MAGI3: variants seen among roughly 807,000 people sequenced by gnomAD.
MAGI3 encodes membrane associated guanylate kinase, WW and PDZ domain containing 3, also known as membrane-associated guanylate kinase, WW and PDZ domain-containing protein 3.
MAGI3 carries 43 observed loss-of-function variants against 121.8 expected under a neutral mutation model. That is an observed-to-expected ratio of 0.35 (90% CI 0.28 to 0.46). The LOEUF is 0.46. Among genes scored for constraint, MAGI3 ranks in the 20% least tolerant of loss-of-function variants. The pLI, the probability that MAGI3 is intolerant of heterozygous loss-of-function variation, is 1.00. For synonymous variants in MAGI3, 553 were observed against 639.3 expected (o/e 0.86, Z 2.04); for missense variants, 1,547 against 1,797.3 (o/e 0.86, Z 2.52).
intron 2 of MAGI3, among the ~76,000 whole-genome samples, chr1:113,577,910 TA>T (rs1557833003): frequency 6.6e-6 from 1 of 152,266 alleles, no homozygotes; most frequent in East Asian, 1.9e-4. Context: ...AATTGTTTTT[TA>T]GTCATTATGT....
chr1:113,636,365 C>A (rs1394412472), intron 9 of MAGI3, among the ~76,000 whole-genome samples: 3 of 152,104 alleles, frequency 2.0e-5, no homozygotes, highest in African/African-American at 4.8e-5. Flanking sequence ...GTGGGCATTT[C>A]ATGCTATAAA....
chr1:113,649,292 C>T lies in MAGI3; in HGVS notation c.2211C>T (p.Gly737=). The T allele has an allele frequency of 1.9e-6, 3 of 1,613,478 alleles. No homozygotes were observed. Among genetic ancestry groups the T allele is most frequent in the Middle Eastern group, 1.7e-4 (1 of 6,058 alleles). Residue 737 remains glycine (G), a synonymous_variant, in exon 13 of 21, where the codon GGC becomes GGT. Coordinates refer to ENST00000307546, the MANE Select transcript of MAGI3 (RefSeq NM_001142782.2). ...VFLRKQESGF[G]FRVLGGDGPD... ...TTCGAAAACAAGAGTCAGGGTTTGG[C>T]TTCAGGGTGCTAGGAGGAGATGGAC...
At chr1:113,488,782 C>T (rs1656528402) in intron 1 of MAGI3, among the ~76,000 whole-genome samples, 1 of 152,146 alleles carries the variant, frequency 6.6e-6, no homozygotes, top group African/African-American at 2.4e-5. Flanking sequence ...ACTAACACTG[C>T]TGTGGGAGTC....
intron 9 of MAGI3, among the ~76,000 whole-genome samples, chr1:113,634,185 C>T (rs373946594): frequency 5.3e-5 from 8 of 152,194 alleles, no homozygotes; most frequent in South Asian, 4.2e-4. Flanking sequence ...ATTTTGTAGG[C>T]TGCCTGTTCA....
At chr1:113,623,453 T>TACACAC (rs796174057) in intron 9 of MAGI3, among the ~76,000 whole-genome samples, 37,727 of 126,022 alleles carry the variant, frequency 0.3, 6,597 homozygotes, top group East Asian at 0.62. Context: ...TACACACACA[T>TACACAC]ACACACACAC....
intron 2 of MAGI3, among the ~76,000 whole-genome samples, chr1:113,577,549 T>A (rs1450762876): frequency 6.6e-6 from 1 of 151,288 alleles, no homozygotes; most frequent in Non-Finnish European, 1.5e-5. Flanking sequence ...TTTTATGGAA[T>A]GCGAAAAGTA....
intron 12 of MAGI3, among the ~76,000 whole-genome samples, chr1:113,648,631 G>T (rs1030082188): frequency 2.0e-5 from 3 of 152,040 alleles, no homozygotes; most frequent in African/African-American, 7.2e-5. Flanking sequence ...TTCACCACTT[G>T]CTATGTGACA....
At chr1:113,656,427 T>C (rs1200486903) in intron 15 of MAGI3, among the ~76,000 whole-genome samples, 1 of 151,868 alleles carries the variant, frequency 6.6e-6, no homozygotes, top group East Asian at 1.9e-4. Flanking sequence ...TTCTTTTTTT[T>C]TTTTTTGAGA....
At chr1:113,630,097 A>G (rs148260236) in intron 9 of MAGI3, among the ~76,000 whole-genome samples, 3 of 152,210 alleles carry the variant, frequency 2.0e-5, no homozygotes, top group African/African-American at 7.2e-5. Context: ...TAGGGATTGA[A>G]GTCAAAAACC....
intron 15 of MAGI3, 126 bp downstream of exon 15, chr1:113,654,144 T>G (rs1653341541): frequency 1.4e-6 from 1 of 721,454 alleles, no homozygotes; most frequent in African/African-American, 1.8e-5. Flanking sequence ...TTAAGAATGG[T>G]GAATACTTTC....
At chr1:113,623,752 G>C (rs1303652918) in intron 9 of MAGI3, among the ~76,000 whole-genome samples, 1 of 152,008 alleles carries the variant, frequency 6.6e-6, no homozygotes, top group Non-Finnish European at 1.5e-5. Context: ...CTCCCAAAGT[G>C]CTGAGATTAC....
At chr1:113,669,834 A>G (rs1208414744) in intron 16 of MAGI3, among the ~76,000 whole-genome samples, 3 of 152,022 alleles carry the variant, frequency 2.0e-5, no homozygotes, top group Non-Finnish European at 4.4e-5. Context: ...CCAGCCCACC[A>G]TAGGTTTTTT....
intron 2 of MAGI3, among the ~76,000 whole-genome samples, chr1:113,573,347 C>T (rs575149933): frequency 6.6e-6 from 1 of 152,322 alleles, no homozygotes; most frequent in African/African-American, 2.4e-5. Flanking sequence ...TATAAGCTTC[C>T]GTCTAAACAC....
Position 113,673,328 on chromosome 1 carries a change from G to C in MAGI3, c.3052G>C (p.Gly1018Arg). The change falls in exon 19 of 21, where the codon GGT becomes CGT. Residue 1018 changes from glycine to arginine, a missense_variant. Coordinates refer to ENST00000307546, the MANE Select transcript of MAGI3 (RefSeq NM_001142782.2). ...VVGSRHNQNL[G>R]CYPVELERGP... ...TATACTTCTTTCTCTCTAGAACCTT[G>C]GTTGTTATCCAGTAGAGCTGGAGAG... 1 of 1,609,650 alleles carries C rather than the reference G, an allele frequency of 6.2e-7. No individual in the cohort carries two copies. Among genetic ancestry groups the C allele is most frequent in the East Asian group, 2.2e-5 (1 of 44,814 alleles).
chr1:113,655,983 A>G (rs1271670766), intron 15 of MAGI3, among the ~76,000 whole-genome samples: 2 of 152,188 alleles, frequency 1.3e-5, no homozygotes, highest in Admixed American at 6.5e-5. Context: ...GTTCATCAAT[A>G]CTTAATAATG....
At position 113,679,854 on chromosome 1, in the gene MAGI3, C is replaced by T. The variant is rs142328454; in HGVS notation, c.3190-1344C>T. Among the ~76,000 whole-genome samples the T allele has an allele frequency of 3.0e-3, 462 of 152,000 alleles. 1 individual carries two copies. The highest frequency in any genetic ancestry group is 0.01 in the African/African-American group (433 of 41,452). On this transcript the variant is annotated intron_variant, in intron 19 of 20. Transcript: ENST00000307546. ...CCAAGTAGCTGGGATTACAGGCATGCGCCACCACACCTGGCCAATTTTGTA... is the reference window on the plus strand; with the variant it reads ...CCAAGTAGCTGGGATTACAGGCATGTGCCACCACACCTGGCCAATTTTGTA...
At chr1:113,511,276 A>T (rs1657602280) in intron 1 of MAGI3, among the ~76,000 whole-genome samples, 1 of 152,220 alleles carries the variant, frequency 6.6e-6, no homozygotes, top group Non-Finnish European at 1.5e-5. Flanking sequence ...GGTAACCTTA[A>T]AGTATGAAAT....
intron 2 of MAGI3, among the ~76,000 whole-genome samples, chr1:113,574,233 A>T (rs1257280497): frequency 6.6e-6 from 1 of 152,156 alleles, no homozygotes; most frequent in East Asian, 1.9e-4. Flanking sequence ...ATATCCTGTC[A>T]TCATGATGCT....
chr1:113,411,422 A>AT (rs199703430), intron 1 of MAGI3, among the ~76,000 whole-genome samples: 235 of 148,814 alleles, frequency 1.6e-3, no homozygotes, highest in African/African-American at 5.0e-3. Context: ...CTCTTACTGT[A>AT]TTTTTTTTTT....
Sources: gnomAD v4.1 joint callset for allele counts (sites outside exome capture counted in the v4.1 genomes callset) on GRCh38, gnomAD v4.1.1 for gene constraint, MANE v1.5 for transcripts, NCBI Gene and HGNC (gene_info 2026-07-23, HGNC 2026-07-21) for gene names.